TRPM6: variants seen among roughly 807,000 people sequenced by gnomAD.
TRPM6 encodes channel kinase 2.
A neutral mutation model predicts 247.6 loss-of-function variants in TRPM6; 111 were observed. The ratio of observed to expected loss-of-function variants is 0.45; its 90% CI spans 0.38 to 0.52. The LOEUF (loss-of-function observed/expected upper bound fraction) is 0.52. TRPM6 is among the 20% of genes least tolerant of loss of function. The pLI, the probability that TRPM6 is intolerant of heterozygous loss-of-function variation, is 0.00. For missense variants in TRPM6, 2,126 were observed against 2,421.5 expected, an observed-to-expected ratio of 0.88 and a Z score of 2.56; for synonymous variants, 892 against 853.8, an observed-to-expected ratio of 1.04 and a Z score of -0.78.
At chr9:74,839,442 A>G (rs1312901592) in intron 5 of TRPM6, among the ~76,000 whole-genome samples, 2 of 152,142 alleles carry the variant, frequency 1.3e-5, no homozygotes, top group African/African-American at 4.8e-5. Context: ...TTAAAAAAAA[A>G]GTATCTACTC....
intron 32 of TRPM6, 137 bp downstream of exon 32, chr9:74,743,958 T>G: frequency 7.1e-6 from 6 of 844,328 alleles, no homozygotes; most frequent in Non-Finnish European, 1.2e-5. Context: ...TGGAATGTTC[T>G]TCCCATCAAA....
At chr9:74,786,201 A>G in intron 20 of TRPM6, 76 bp from the exon 21 acceptor site, 1 of 1,527,594 alleles carries the variant, frequency 6.5e-7, no homozygotes, top group Non-Finnish European at 9.0e-7. Flanking sequence ...TCTTAAATAC[A>G]CAAACCATTC....
At chr9:74,760,293 T>C (rs572831083) in intron 27 of TRPM6, among the ~76,000 whole-genome samples, 1 of 152,304 alleles carries the variant, frequency 6.6e-6, no homozygotes, top group East Asian at 1.9e-4. Flanking sequence ...TTTTATACTG[T>C]ACTTTTACTG....
chr9:74,857,464 A>T (rs7027629), intron 2 of TRPM6, among the ~76,000 whole-genome samples: 58,928 of 151,934 alleles, frequency 0.39, 11,595 homozygotes, highest in East Asian at 0.5. Context: ...CCTTTTAATT[A>T]ATTTTTCCAA....
At chr9:74,842,566 T>G (rs1005329736) in intron 3 of TRPM6, among the ~76,000 whole-genome samples, 1 of 152,208 alleles carries the variant, frequency 6.6e-6, no homozygotes, top group African/African-American at 2.4e-5. Flanking sequence ...GAATATTTTT[T>G]CTTTAAAGGC....
At chr9:74,739,596 A>G in intron 34 of TRPM6, 127 bp downstream of exon 34, 1 of 1,522,382 alleles carries the variant, frequency 6.6e-7, no homozygotes, top group South Asian at 1.1e-5. Context: ...CTACAAAGCA[A>G]TACTACCTCT....
At chr9:74,805,374 A>C (rs1224674801) in intron 14 of TRPM6, among the ~76,000 whole-genome samples, 1 of 152,190 alleles carries the variant, frequency 6.6e-6, no homozygotes, top group Admixed American at 6.5e-5. Context: ...CCACTAGATA[A>C]TCTGCCCACA....
At chr9:74,741,913 T>A (rs560801066) in intron 33 of TRPM6, among the ~76,000 whole-genome samples, 50 of 151,390 alleles carry the variant, frequency 3.3e-4, no homozygotes, top group South Asian at 1.7e-3. Flanking sequence ...AAAATAAAAA[T>A]AAATAAATAA....
chr9:74,748,914 C>T (rs1826142327), intron 30 of TRPM6, among the ~76,000 whole-genome samples: 1 of 152,172 alleles, frequency 6.6e-6, no homozygotes, highest in Admixed American at 6.5e-5. Context: ...CTCACTCTGA[C>T]ACCCAGAGCA....
chr9:74,802,299 T>C (rs1325286066), intron 15 of TRPM6, 124 bp from the exon 16 acceptor site: 2 of 902,224 alleles, frequency 2.2e-6, no homozygotes, highest in Non-Finnish European at 3.4e-6. Context: ...ATGGAAATAA[T>C]AATAAGATTT....
intron 33 of TRPM6, 21 bp downstream of exon 33, chr9:74,742,540 G>A (rs761746475): frequency 1.2e-6 from 2 of 1,610,278 alleles, no homozygotes; most frequent in Non-Finnish European, 1.7e-6. Flanking sequence ...ATAAACTCAA[G>A]AAGGTAGAAA....
At chr9:74,848,488 C>G (rs1830179783) in intron 3 of TRPM6, among the ~76,000 whole-genome samples, 1 of 152,174 alleles carries the variant, frequency 6.6e-6, no homozygotes, top group Non-Finnish European at 1.5e-5. Flanking sequence ...AATTTTAAAC[C>G]CATAAATTGC....
intron 5 of TRPM6, among the ~76,000 whole-genome samples, chr9:74,835,046 CCCA>C (rs1409574188): frequency 6.6e-6 from 1 of 152,112 alleles, no homozygotes; most frequent in East Asian, 1.9e-4. Flanking sequence ...AGTTTACACT[CCCA>C]CCAACAGTGT....
chr9:74,800,188 A>T (rs1828267586), intron 17 of TRPM6, 66 bp downstream of exon 17: 2 of 1,400,860 alleles, frequency 1.4e-6, no homozygotes. Flanking sequence ...AACAAAATGT[A>T]ACTCGAGTAC....
chr9:74,787,532 A>G (rs758220948), intron 20 of TRPM6, among the ~76,000 whole-genome samples: 15 of 152,216 alleles, frequency 9.9e-5, no homozygotes, highest in Non-Finnish European at 1.5e-5. Context: ...AACTCCACAT[A>G]GGAATTAGCA....
At chr9:74,724,935 C>A (rs939403958) in intron 38 of TRPM6, among the ~76,000 whole-genome samples, 189 bp from the exon 39 acceptor site, 1 of 152,224 alleles carries the variant, frequency 6.6e-6, no homozygotes, top group Non-Finnish European at 1.5e-5. Context: ...TACCCCCCTT[C>A]CTTCCCTATG....
intron 6 of TRPM6, among the ~76,000 whole-genome samples, chr9:74,832,676 G>A (rs1444809993): frequency 6.6e-6 from 1 of 152,214 alleles, no homozygotes; most frequent in African/African-American, 2.4e-5. Context: ...GGTAACTGTT[G>A]AAGCTGGAGA....
intron 7 of TRPM6, 95 bp from the exon 8 acceptor site, chr9:74,821,932 A>G: frequency 7.3e-7 from 1 of 1,375,288 alleles, no homozygotes; most frequent in Non-Finnish European, 1.0e-6. Flanking sequence ...CTCAATTACC[A>G]CCTATGTTCA....
intron 27 of TRPM6, among the ~76,000 whole-genome samples, chr9:74,760,454 T>A (rs1387474750): frequency 6.6e-6 from 1 of 152,172 alleles, no homozygotes; most frequent in Non-Finnish European, 1.5e-5. Flanking sequence ...GGTTAGACCA[T>A]CTAGGTTTGT....
Sources: allele counts gnomAD v4.1 joint callset (sites outside exome capture counted in the v4.1 genomes callset), GRCh38; gene constraint gnomAD v4.1.1; transcripts MANE v1.5; gene names NCBI Gene and HGNC (gene_info 2026-07-23, HGNC 2026-07-21).